Variants in KIAA1671 observed in about 807,000 individuals in gnomAD.
KIAA1671 encodes uncharacterized protein KIAA1671.
A neutral mutation model predicts 131.2 loss-of-function variants in KIAA1671; 52 were observed. The ratio of observed to expected loss-of-function variants is 0.40; its 90% CI spans 0.32 to 0.50. KIAA1671 has a LOEUF of 0.50. KIAA1671 is among the 20% of genes least tolerant of loss of function. The probability of loss-of-function intolerance (pLI) is 0.73; values close to 1 mark genes in which losing one functional copy is unlikely to be tolerated. For missense variants in KIAA1671, 2,360 were observed against 2,364.2 expected (o/e 1.00, Z 0.04); for synonymous variants, 1,003 against 961.6 (o/e 1.04, Z -0.80).
At chr22:25,173,917 C>T (rs1217340081) in intron 7 of KIAA1671, among the ~76,000 whole-genome samples, 1 of 152,182 alleles carries the variant, frequency 6.6e-6, no homozygotes, top group East Asian at 1.9e-4. Context: ...CTGTCACTTG[C>T]TCCATTGCAA....
intron 6 of KIAA1671, among the ~76,000 whole-genome samples, chr22:25,147,776 GGAA>G (rs1239930430): frequency 1.3e-5 from 2 of 152,164 alleles, no homozygotes; most frequent in African/African-American, 4.8e-5. Flanking sequence ...GTGAAAGAGG[GGAA>G]GAAGAAGGGA....
intron 6 of KIAA1671, among the ~76,000 whole-genome samples, chr22:25,092,960 G>C (rs1238921542): frequency 1.3e-5 from 2 of 152,194 alleles, no homozygotes; most frequent in African/African-American, 4.8e-5. Flanking sequence ...GGAACAGGGA[G>C]GGTGAGCTCA....
Position 25,028,591 on chromosome 22 carries a change from C to G in KIAA1671, c.592C>G (p.Pro198Ala), listed in dbSNP as rs1356864882. Residue 198 changes from proline to alanine, a missense_variant, in exon 3 of 13, where the codon CCC becomes GCC. Pro to Ala is a conservative substitution (Grantham distance 27, BLOSUM62 -1). Coordinates refer to ENST00000358431, the MANE Select transcript of KIAA1671 (RefSeq NM_001145206.2). ...KPAGTLPRSAPLSQDTKPPVP... is the reference protein window; with the variant it reads ...KPAGTLPRSAALSQDTKPPVP... ...TGCGGGGACCCTTCCCCGGTCAGCT[C>G]CCCTGTCTCAGGACACAAAACCACC... The G allele has an allele frequency of 1.3e-6, 2 of 1,549,200 alleles. No individual in the cohort carries two copies. Among genetic ancestry groups the G allele is most frequent in the Non-Finnish European group, 8.7e-7 (1 of 1,145,944 alleles).
intron 12 of KIAA1671, 63 bp downstream of exon 12, chr22:25,190,847 A>AG: frequency 1.8e-6 from 2 of 1,116,172 alleles, no homozygotes; most frequent in Admixed American, 2.0e-5. Context: ...TGGGGAACTC[A>AG]GGGGGGCCAC....
intron 1 of KIAA1671, among the ~76,000 whole-genome samples, chr22:24,967,897 G>A (rs1428442672): frequency 6.6e-6 from 1 of 152,266 alleles, no homozygotes; most frequent in East Asian, 1.9e-4. Context: ...GGAGGCTGAG[G>A]CAGGAGAATG....
intron 6 of KIAA1671, among the ~76,000 whole-genome samples, chr22:25,085,767 AAGGAAGGAAGGG>A (rs1190209849): frequency 3.5e-5 from 4 of 112,950 alleles, no homozygotes; most frequent in African/African-American, 1.6e-4. Flanking sequence ...ATAAGTGGTG[AAGGAAGGAAGGG>A]AGGAAGGGAG....
rs1926081736 is a variant in KIAA1671, at chr22:25,028,460, C to G, written c.461C>G (p.Pro154Arg). The G allele has an allele frequency of 2.6e-6, 4 of 1,550,368 alleles. No individual in the cohort carries two copies. In the South Asian group the frequency reaches 4.8e-5, roughly 18 times the overall value. The change falls in exon 3 of 13, where the codon CCC (proline) becomes CGC (arginine). Residue 154 changes from proline to arginine, a missense_variant. Physicochemically the swap from Pro to Arg is moderately radical, Grantham distance 103 (BLOSUM62 -2). Coordinates refer to ENST00000358431, the MANE Select transcript of KIAA1671 (RefSeq NM_001145206.2). ...CTCTTCGAAACCACCAAAAGCGGCC[C>G]CGCTCTGGGGAAGGCGGTTAGTGAG... The part of the protein sequence containing the change: ...MILFETTKSG[P>R]ALGKAVSEGA...
At position 25,040,123 on chromosome 22, in the gene KIAA1671, A is replaced by C. The variant is rs1409117124; in HGVS notation, c.2993A>C (p.Glu998Ala). The change falls in exon 5 of 13, where the codon GAG becomes GCG. Residue 998 changes from glutamate (E) to alanine (A), a missense_variant. Physicochemically the swap from Glu to Ala is moderately radical, Grantham distance 107 (BLOSUM62 -1). This residue lies in a region of KIAA1671 where 1,161 missense variants were observed against 1,204.7 expected (regional missense o/e 0.96). Transcript: ENST00000358431. ...CCTCAACTATCCCACTACAGGGTGG[A>C]GACCCAGGAGGTGAACCCAGGTGCT... ...RKPQLSHYRV[E>A]TQEVNPGASR... 3.9e-6 allele frequency: 6 copies of C among 1,551,688 alleles called. No homozygotes were observed. The African/African-American group carries it at 5.5e-5, about 14-fold the overall frequency.
intron 6 of KIAA1671, among the ~76,000 whole-genome samples, chr22:25,125,376 A>C (rs1398065387): frequency 6.6e-6 from 1 of 152,186 alleles, no homozygotes; most frequent in Non-Finnish European, 1.5e-5. Context: ...CTGTTTTACA[A>C]ATGATAAAGT....
At chr22:25,055,841 C>T (rs1427547035) in intron 6 of KIAA1671, 1 of 144,474 alleles carries the variant, frequency 6.9e-6, no homozygotes, top group African/African-American at 2.5e-5. Context: ...GATATAGATA[C>T]AGATACAGAT....
chr22:25,022,188 A>G (rs1925710386), intron 1 of KIAA1671, among the ~76,000 whole-genome samples: 2 of 152,224 alleles, frequency 1.3e-5, no homozygotes. Flanking sequence ...GCCCCTCACC[A>G]GATGGTGGCA....
In KIAA1671 at chr22:25,040,391, C is replaced by G; in HGVS notation, c.3261C>G (p.Asn1087Lys). The G allele has an allele frequency of 1.3e-6, 2 of 1,551,926 alleles. No homozygotes were observed. Among genetic ancestry groups the G allele is most frequent in the Non-Finnish European group, 1.7e-6 (2 of 1,147,052 alleles). ...CATTGGAGATGGCAGGCAGTAAAAA[C>G]TGGATGAAGGGACGAGAGCATGAAA... ...EEALEMAGSK[N>K]WMKGREHENA... The change falls in exon 5 of 13, where the codon AAC becomes AAG. Residue 1087 changes from asparagine (N) to lysine (K), a missense_variant. Transcript: ENST00000358431.
chr22:24,995,930 A>C lies in KIAA1671; in HGVS notation c.-207-29703A>C, dbSNP rs544492275. On this transcript the variant is annotated intron_variant, in intron 1 of 12. Transcript: ENST00000358431. The stretch of plus-strand genomic sequence containing the variant: ...TCTGAACAGTTGTACAGAGGGATAC[A>C]GACAAGGGGAGGAGACTGGGGGCAC... Among the ~76,000 whole-genome samples, 84 of 152,356 alleles carry C rather than the reference A, an allele frequency of 5.5e-4. 1 individual carries two copies. The highest frequency in any genetic ancestry group is 2.6e-3 in the Admixed American group (40 of 15,304).
At chr22:24,979,823 T>C (rs1265308086) in intron 1 of KIAA1671, among the ~76,000 whole-genome samples, 1 of 152,178 alleles carries the variant, frequency 6.6e-6, no homozygotes, top group Non-Finnish European at 1.5e-5. Context: ...ACCACTGTTT[T>C]ATTTTCTTTC....
chr22:25,097,635 G>T (rs997940558), intron 6 of KIAA1671, among the ~76,000 whole-genome samples: 3 of 152,172 alleles, frequency 2.0e-5, no homozygotes, highest in Non-Finnish European at 4.4e-5. Flanking sequence ...AGCTACTCGG[G>T]AGGCTGAGGC....
chr22:25,182,193 A>AAACAAAC (rs1555885474), intron 10 of KIAA1671, among the ~76,000 whole-genome samples: 1 of 151,152 alleles, frequency 6.6e-6, no homozygotes, highest in Non-Finnish European at 1.5e-5. Flanking sequence ...AAAAAACAAA[A>AAACAAAC]AACAAACATA....
At chr22:25,136,492 A>G (rs960484845) in intron 6 of KIAA1671, among the ~76,000 whole-genome samples, 5 of 152,186 alleles carry the variant, frequency 3.3e-5, no homozygotes, top group African/African-American at 1.2e-4. Flanking sequence ...GCTTGGCATC[A>G]CGCAAACAGC....
intron 1 of KIAA1671, among the ~76,000 whole-genome samples, chr22:24,999,193 G>A (rs1212806316): frequency 2.0e-5 from 3 of 152,140 alleles, no homozygotes; most frequent in African/African-American, 4.8e-5. Flanking sequence ...TGGTAGATGC[G>A]TAGTAGTACA....
At chr22:25,105,816 A>G (rs1930969511) in intron 6 of KIAA1671, among the ~76,000 whole-genome samples, 1 of 46,808 alleles carries the variant, frequency 2.1e-5, no homozygotes, top group African/African-American at 4.7e-5. Context: ...ACAGGTATGA[A>G]GTTGGGGGGG....
Sources: gnomAD v4.1 joint callset for allele counts (sites outside exome capture counted in the v4.1 genomes callset) on GRCh38, gnomAD v4.1.1 for gene constraint, gnomAD v4.1.1 regional missense constraint, MANE v1.5 for transcripts, NCBI Gene and HGNC (gene_info 2026-07-23, HGNC 2026-07-21) for gene names.